Variants in RFX3 observed in about 807,000 individuals in gnomAD.
RFX3 encodes the protein transcription factor RFX3.
RFX3 carries 14 observed loss-of-function variants against 98.6 expected under a neutral mutation model. The observed-to-expected ratio is 0.14, with a 90% CI of 0.09 to 0.22. The LOEUF is 0.22. Ranked by LOEUF, RFX3 falls within the 10% of genes least tolerant of loss-of-function variation. The pLI, the probability that RFX3 is intolerant of heterozygous loss-of-function variation, is 1.00. For missense variants in RFX3, 639 were observed against 926.9 expected (o/e 0.69, Z 4.03); for synonymous variants, 383 against 328.4 (o/e 1.17, Z -1.80).
chr9:3,232,377 A>G (rs1818585993), intron 15 of RFX3, among the ~76,000 whole-genome samples: 1 of 152,108 alleles, frequency 6.6e-6, no homozygotes, highest in Non-Finnish European at 1.5e-5. Flanking sequence ...TATCTTGAGT[A>G]TCACCATCCC....
chr9:3,241,671 G>A (rs1337411495), intron 15 of RFX3, among the ~76,000 whole-genome samples: 1 of 152,148 alleles, frequency 6.6e-6, no homozygotes, highest in Admixed American at 6.5e-5. Context: ...ATGTAGATGA[G>A]CAGATTTACA....
At chr9:3,257,878 A>C (rs617992) in intron 13 of RFX3, among the ~76,000 whole-genome samples, 123,871 of 152,176 alleles carry the variant, frequency 0.81, 51,318 homozygotes, top group South Asian at 0.9. Flanking sequence ...CTGCCAAAAA[A>C]TGTGATTATT....
At chr9:3,262,838 T>C (rs751639503) in intron 13 of RFX3, 97 bp downstream of exon 13, 16 of 1,259,740 alleles carry the variant, frequency 1.3e-5, no homozygotes, top group Admixed American at 5.6e-5. Context: ...CTGCCATATA[T>C]AGATGAGACT....
chr9:3,318,364 C>T (rs1197315097), intron 4 of RFX3, among the ~76,000 whole-genome samples: 1 of 151,888 alleles, frequency 6.6e-6, no homozygotes, highest in Non-Finnish European at 1.5e-5. Flanking sequence ...ACACTCCGGG[C>T]ACTGCTGTGG....
chr9:3,298,962 T>C (rs1037674890), intron 5 of RFX3, among the ~76,000 whole-genome samples: 2 of 151,732 alleles, frequency 1.3e-5, no homozygotes, highest in African/African-American at 4.8e-5. Context: ...TTATCAATAA[T>C]TTCTCCCAAT....
intron 13 of RFX3, among the ~76,000 whole-genome samples, chr9:3,260,637 A>T (rs1822752970): frequency 6.6e-6 from 1 of 151,622 alleles, no homozygotes; most frequent in Admixed American, 6.6e-5. Context: ...CTGAAAAAAG[A>T]TTTGAAATAA....
chr9:3,309,293 C>G (rs2130386719), intron 4 of RFX3, among the ~76,000 whole-genome samples: 1 of 152,192 alleles, frequency 6.6e-6, no homozygotes, highest in South Asian at 2.1e-4. Flanking sequence ...ATTAGTGGAG[C>G]TCCAACAAAG....
intron 14 of RFX3, 75 bp downstream of exon 14, chr9:3,256,916 A>T: frequency 2.3e-6 from 3 of 1,321,616 alleles, no homozygotes; most frequent in Non-Finnish European, 3.2e-6. Flanking sequence ...TTTGTCACAG[A>T]AGCATATACA....
chr9:3,479,945 C>T (rs1158003328), intron 1 of RFX3, among the ~76,000 whole-genome samples: 1 of 152,222 alleles, frequency 6.6e-6, no homozygotes, highest in Non-Finnish European at 1.5e-5. Flanking sequence ...TTGTTCATTA[C>T]TATTTCTCTT....
intron 14 of RFX3, among the ~76,000 whole-genome samples, chr9:3,249,831 C>T (rs1468796736): frequency 6.6e-6 from 1 of 151,984 alleles, no homozygotes; most frequent in African/African-American, 2.4e-5. Context: ...TGTAACTATA[C>T]TGTTACCTAC....
At position 3,222,016 on chromosome 9, in the gene RFX3, C is replaced by A. The variant is rs1817363438; in HGVS notation, c.*3026G>T. On this transcript the variant is annotated 3_prime_UTR_variant, in exon 17 of 17. Coordinates refer to ENST00000617270, the MANE Select transcript of RFX3 (RefSeq NM_001282116.2). Reference sequence around the variant, plus strand: ...TTAGTGTCTAATATTATTTAGAAAACCCACACTTTCAATGAGTGAAAAAAG... The same window carrying A: ...TTAGTGTCTAATATTATTTAGAAAAACCACACTTTCAATGAGTGAAAAAAG... 1 of 152,032 alleles carries A rather than the reference C, an allele frequency of 6.6e-6. No homozygotes were observed. Among genetic ancestry groups the A allele is most frequent in the Admixed American group, 6.6e-5 (1 of 15,254 alleles). The allele number at this position is 152,032 out of a possible 1,614,324, so 9.4% of individuals were successfully genotyped here.
chr9:3,346,029 C>T (rs914307780), intron 3 of RFX3, among the ~76,000 whole-genome samples: 2 of 152,150 alleles, frequency 1.3e-5, no homozygotes, highest in Admixed American at 6.5e-5. Flanking sequence ...AATTTGGAAA[C>T]AATCCTTGCG....
At chr9:3,255,461 T>C (rs146146770) in intron 14 of RFX3, among the ~76,000 whole-genome samples, 147 of 152,368 alleles carry the variant, frequency 9.6e-4, no homozygotes, top group African/African-American at 3.5e-3. Context: ...TGGCCACCAC[T>C]TTCTGATATG....
intron 1 of RFX3, among the ~76,000 whole-genome samples, chr9:3,434,428 T>C (rs769708896): frequency 1.5e-4 from 23 of 152,096 alleles, no homozygotes; most frequent in Non-Finnish European, 3.2e-4. Context: ...TTCTAATAAA[T>C]GCTAAGGAAT....
At chr9:3,354,072 T>C (rs1261856646) in intron 2 of RFX3, among the ~76,000 whole-genome samples, 1 of 151,874 alleles carries the variant, frequency 6.6e-6, no homozygotes, top group African/African-American at 2.4e-5. Context: ...ACAATGAAAA[T>C]GTATACCACT....
intron 11 of RFX3, among the ~76,000 whole-genome samples, chr9:3,266,943 TAA>T (rs1823722430): frequency 6.6e-6 from 1 of 152,014 alleles, no homozygotes; most frequent in African/African-American, 2.4e-5. Flanking sequence ...CCCGTATTCT[TAA>T]GATACTCCTA....
chr9:3,405,747 A>G (rs79592178), intron 1 of RFX3, among the ~76,000 whole-genome samples: 4 of 152,224 alleles, frequency 2.6e-5, no homozygotes, highest in African/African-American at 7.2e-5. Context: ...CCACATATCT[A>G]TATCTCGCCA....
chr9:3,420,765 T>C (rs2132339020), intron 1 of RFX3: 1 of 983,770 alleles, frequency 1.0e-6, no homozygotes, highest in Middle Eastern at 5.2e-4. Context: ...TCATCACTAC[T>C]GTTCTTTCCT....
At chr9:3,475,525 GGAGA>G (rs1587802052) in intron 1 of RFX3, among the ~76,000 whole-genome samples, 1 of 152,152 alleles carries the variant, frequency 6.6e-6, no homozygotes, top group Non-Finnish European at 1.5e-5. Context: ...AGAGAGAGAG[GGAGA>G]GAGAGAGGAC....
Sources: allele counts gnomAD v4.1 joint callset (sites outside exome capture counted in the v4.1 genomes callset), GRCh38; gene constraint gnomAD v4.1.1; transcripts MANE v1.5; gene names NCBI Gene and HGNC (gene_info 2026-07-23, HGNC 2026-07-21).